The following TENM2 variants were observed in gnomAD, a reference collection of about 807,000 sequenced individuals.
TENM2 encodes teneurin-2.
In TENM2, 52 loss-of-function variants were observed where a neutral mutation model predicts 245.2. The observed-to-expected ratio is 0.21, with a 90% CI of 0.17 to 0.27. The LOEUF (loss-of-function observed/expected upper bound fraction) is 0.27. Ranked by LOEUF, TENM2 falls within the 10% of genes least tolerant of loss-of-function variation. The probability of loss-of-function intolerance (pLI) is 1.00; values close to 1 mark genes in which losing one functional copy is unlikely to be tolerated. For synonymous variants in TENM2, 1,363 were observed against 1,438.9 expected, an observed-to-expected ratio of 0.95 and a Z score of 1.19; for missense variants, 3,046 against 3,666.8, an observed-to-expected ratio of 0.83 and a Z score of 4.37.
At chr5:167,962,495 C>T (rs890699065) in intron 4 of TENM2, among the ~76,000 whole-genome samples, 1 of 152,082 alleles carries the variant, frequency 6.6e-6, no homozygotes, top group African/African-American at 2.4e-5. Flanking sequence ...TAGTCATAGT[C>T]CATAGAACTG....
intron 2 of TENM2, among the ~76,000 whole-genome samples, chr5:167,542,064 T>A (rs2127605826): frequency 6.6e-6 from 1 of 152,164 alleles, no homozygotes; most frequent in Non-Finnish European, 1.5e-5. Context: ...AGTGGGCAAG[T>A]TGTATTCAGA....
At position 168,160,014 on chromosome 5, in the gene TENM2, A is replaced by G. The variant is rs149845315; in HGVS notation, c.2423-2597A>G. ...GCTTCTGTTGACACATTGGACATGAATTTAGTCAGACATGAGACCTCAAAG... is the reference window on the plus strand; with the variant it reads ...GCTTCTGTTGACACATTGGACATGAGTTTAGTCAGACATGAGACCTCAAAG... On this transcript the variant is annotated intron_variant, in intron 12 of 28. Transcript: ENST00000518659. Among the ~76,000 whole-genome samples the G allele has an allele frequency of 4.6e-5, 7 of 152,318 alleles. No individual in the cohort carries two copies. The East Asian group carries it at 1.4e-3, about 29-fold the overall frequency.
At chr5:167,616,373 C>T (rs1437667838) in intron 2 of TENM2, among the ~76,000 whole-genome samples, 3 of 152,108 alleles carry the variant, frequency 2.0e-5, no homozygotes, top group Non-Finnish European at 4.4e-5. Flanking sequence ...TTGTTTATAG[C>T]ATTCTTGCCA....
At chr5:168,123,135 G>GAA (rs35506770) in intron 10 of TENM2, among the ~76,000 whole-genome samples, 75 of 103,110 alleles carry the variant, frequency 7.3e-4, no homozygotes, top group Middle Eastern at 5.1e-3. Flanking sequence ...CATTTCTAGA[G>GAA]AAAAAAAAAA....
chr5:167,960,518 G>C (rs1780924334), intron 4 of TENM2, among the ~76,000 whole-genome samples: 1 of 152,002 alleles, frequency 6.6e-6, no homozygotes, highest in Non-Finnish European at 1.5e-5. Flanking sequence ...ACTTACTCAA[G>C]CCTCAGTAAT....
chr5:167,860,433 C>A (rs1221195654), intron 2 of TENM2, among the ~76,000 whole-genome samples: 42 of 120,850 alleles, frequency 3.5e-4, no homozygotes, highest in African/African-American at 1.5e-3. Context: ...GGTCAGCCCC[C>A]CTGCCCGGCC....
chr5:167,818,242 A>T (rs568639699), intron 2 of TENM2, among the ~76,000 whole-genome samples: 1 of 152,294 alleles, frequency 6.6e-6, no homozygotes, highest in East Asian at 1.9e-4. Flanking sequence ...GTCATGGGGC[A>T]GCTCATCTAG....
the TENM2 span, among the ~76,000 whole-genome samples, chr5:167,032,993 T>C: frequency 6.6e-6 from 1 of 152,152 alleles, no homozygotes; most frequent in Non-Finnish European, 1.5e-5. Flanking sequence ...TAAGGTGTAA[T>C]TATTGGACGC....
intron 2 of TENM2, among the ~76,000 whole-genome samples, chr5:167,422,569 A>G (rs1294204097): frequency 6.6e-6 from 1 of 152,220 alleles, no homozygotes; most frequent in Non-Finnish European, 1.5e-5. Context: ...CTCTAGAATG[A>G]TTCTTATGTT....
At chr5:168,165,699 A>T (rs1758222375) in intron 13 of TENM2, 1 of 137,628 alleles carries the variant, frequency 7.3e-6, no homozygotes, top group Non-Finnish European at 1.5e-5. Context: ...AAGGCAGGGC[A>T]CAAAAGCAAA....
chr5:167,950,808 G>A (rs1037807034), intron 3 of TENM2, among the ~76,000 whole-genome samples: 11 of 151,950 alleles, frequency 7.2e-5, no homozygotes, highest in African/African-American at 2.4e-4. Context: ...AAATATAATA[G>A]CCTGCTACAG....
chr5:167,599,380 C>G (rs1218661093), intron 2 of TENM2, among the ~76,000 whole-genome samples: 1 of 152,098 alleles, frequency 6.6e-6, no homozygotes, highest in Non-Finnish European at 1.5e-5. Context: ...CACCTACAAC[C>G]TAATGTTTCA....
chr5:167,427,380 G>C (rs564611597), intron 2 of TENM2, among the ~76,000 whole-genome samples: 3 of 151,172 alleles, frequency 2.0e-5, no homozygotes, highest in Admixed American at 6.6e-5. Context: ...TTGAACCCAG[G>C]AGGTGGATAG....
At chr5:167,454,970 G>C (rs928356051) in intron 2 of TENM2, among the ~76,000 whole-genome samples, 2 of 152,184 alleles carry the variant, frequency 1.3e-5, no homozygotes, top group African/African-American at 4.8e-5. Context: ...AGAAATAAGG[G>C]AGAGAGTAGT....
intron 2 of TENM2, among the ~76,000 whole-genome samples, chr5:167,788,621 A>G (rs767706233): frequency 1.2e-4 from 19 of 152,178 alleles, no homozygotes; most frequent in Admixed American, 2.6e-4. Flanking sequence ...GTCTTCAACA[A>G]CACTTTTCTT....
chr5:167,450,457 C>G (rs1380814608), intron 2 of TENM2, among the ~76,000 whole-genome samples: 1 of 152,114 alleles, frequency 6.6e-6, no homozygotes, highest in Non-Finnish European at 1.5e-5. Flanking sequence ...TGTCTAATTT[C>G]TCGTTATTTC....
intron 1 of TENM2, among the ~76,000 whole-genome samples, chr5:167,355,571 G>A (rs1426153530): frequency 6.6e-6 from 1 of 152,182 alleles, no homozygotes; most frequent in East Asian, 1.9e-4. Flanking sequence ...CAGTGACACA[G>A]CAATTTCCCT....
chr5:167,293,471 C>T (rs1037443957), intron 1 of TENM2, among the ~76,000 whole-genome samples: 6 of 150,990 alleles, frequency 4.0e-5, no homozygotes, highest in South Asian at 2.1e-4. Context: ...CCACCCGCCT[C>T]GGGCTTCCAA....
rs149480836 is a variant in TENM2 at position 168,127,764 on chromosome 5, C to T, written c.2422+798C>T. Among the ~76,000 whole-genome samples, 72 of 152,252 alleles carry T rather than the reference C, an allele frequency of 4.7e-4. 1 individual carries two copies. The East Asian group carries it at 0.011, about 23-fold the overall frequency. ...GTCAACTTGAGCATCATTTTACCTCCGGTTTTTACTTTTGTTATTTAATTA... is the reference window on the plus strand; with the variant it reads ...GTCAACTTGAGCATCATTTTACCTCTGGTTTTTACTTTTGTTATTTAATTA... On this transcript the variant is annotated intron_variant, in intron 12 of 28. Coordinates refer to ENST00000518659, the Ensembl canonical transcript of TENM2.
Sources: gnomAD v4.1 joint callset for allele counts (sites outside exome capture counted in the v4.1 genomes callset) on GRCh38, gnomAD v4.1.1 for gene constraint, MANE v1.5 for transcripts, NCBI Gene and HGNC (gene_info 2026-07-23, HGNC 2026-07-21) for gene names.